The following COBL variants were observed in gnomAD, a reference collection of about 807,000 sequenced individuals.
The protein encoded by COBL is cordon-bleu WH2 repeat protein, also known as protein cordon-bleu.
COBL carries 51 observed loss-of-function variants against 98.8 expected under a neutral mutation model. That is an observed-to-expected ratio of 0.52 (90% confidence interval 0.41 to 0.65). COBL has a LOEUF of 0.65. COBL is among the 30% of genes least tolerant of loss of function. COBL has a pLI of 0.00. For synonymous variants in COBL, 634 were observed against 651.7 expected, an observed-to-expected ratio of 0.97 and a Z score of 0.41; for missense variants, 1,617 against 1,617.5, an observed-to-expected ratio of 1.00 and a Z score of 0.01.
intron 1 of COBL, among the ~76,000 whole-genome samples, chr7:51,227,314 C>T (rs2129099158): frequency 6.6e-6 from 1 of 152,224 alleles, no homozygotes; most frequent in Admixed American, 6.5e-5. Context: ...GGACTGTGTT[C>T]AACTGCCTCA....
At chr7:51,105,277 T>C (rs1796157255) in intron 6 of COBL, among the ~76,000 whole-genome samples, 1 of 152,186 alleles carries the variant, frequency 6.6e-6, no homozygotes, top group Non-Finnish European at 1.5e-5. Context: ...TGCGTGTTTC[T>C]CACAGTCAGT....
intron 1 of COBL, among the ~76,000 whole-genome samples, chr7:51,314,593 A>G (rs185678808): frequency 1.7e-4 from 26 of 152,368 alleles, no homozygotes; most frequent in African/African-American, 5.8e-4. Flanking sequence ...TGCTTATTAA[A>G]CACGTAATTC....
At chr7:51,186,822 G>A (rs1054479827) in intron 4 of COBL, among the ~76,000 whole-genome samples, 1 of 152,164 alleles carries the variant, frequency 6.6e-6, no homozygotes, top group Non-Finnish European at 1.5e-5. Context: ...GAACTGGTTT[G>A]GGAGCAAAGT....
chr7:51,225,160 G>A (rs901572626), intron 1 of COBL, among the ~76,000 whole-genome samples: 1 of 152,186 alleles, frequency 6.6e-6, no homozygotes, highest in Non-Finnish European at 1.5e-5. Context: ...AACAGAAAAC[G>A]CCTGGCTTCC....
At chr7:51,035,747 T>C (rs1329731751) in intron 8 of COBL, 1 of 152,220 alleles carries the variant, frequency 6.6e-6, no homozygotes, top group Non-Finnish European at 1.5e-5. Flanking sequence ...ATTTGATGTA[T>C]ATTTTACACT....
chr7:51,286,998 T>C (rs992443259), intron 1 of COBL, among the ~76,000 whole-genome samples: 1 of 152,194 alleles, frequency 6.6e-6, no homozygotes, highest in Non-Finnish European at 1.5e-5. Context: ...CTAAGTGAAT[T>C]AATGCAGGAA....
chr7:51,211,686 T>C (rs1792449551), intron 2 of COBL, among the ~76,000 whole-genome samples: 2 of 152,320 alleles, frequency 1.3e-5, no homozygotes, highest in South Asian at 2.1e-4. Flanking sequence ...CAATGCAGAA[T>C]AGAGTTTCTC....
At chr7:51,157,710 T>C (rs1247985777) in intron 5 of COBL, among the ~76,000 whole-genome samples, 2 of 152,188 alleles carry the variant, frequency 1.3e-5, no homozygotes, top group African/African-American at 4.8e-5. Flanking sequence ...AATAATCACT[T>C]CAGGAAGTCT....
chr7:51,175,778 G>A (rs942861705), intron 5 of COBL, among the ~76,000 whole-genome samples: 5 of 152,178 alleles, frequency 3.3e-5, no homozygotes, highest in African/African-American at 9.7e-5. Context: ...TGGCAGAGAG[G>A]CAATTTAGAA....
At chr7:51,273,327 C>CAAA (rs953811880) in intron 1 of COBL, among the ~76,000 whole-genome samples, 27 of 59,494 alleles carry the variant, frequency 4.5e-4, no homozygotes, top group Admixed American at 1.2e-3. Flanking sequence ...GACTCCATCT[C>CAAA]AAAAAAAAAA....
chr7:51,147,715 C>T (rs966047459), intron 5 of COBL, among the ~76,000 whole-genome samples: 35 of 151,542 alleles, frequency 2.3e-4, no homozygotes, highest in African/African-American at 4.8e-4. Context: ...GGCGAAATTG[C>T]GGGACCTAAG....
chr7:51,146,305 TC>T (rs1368163021), intron 5 of COBL, among the ~76,000 whole-genome samples: 1 of 152,188 alleles, frequency 6.6e-6, no homozygotes, highest in Non-Finnish European at 1.5e-5. Flanking sequence ...AATCAGCCCC[TC>T]CTTGGGGCTC....
At chr7:51,301,810 C>G (rs1373661108) in intron 1 of COBL, among the ~76,000 whole-genome samples, 1 of 152,238 alleles carries the variant, frequency 6.6e-6, no homozygotes, top group African/African-American at 2.4e-5. Context: ...TCTGTGGGTC[C>G]CACTGTGCTG....
At chr7:51,188,650 G>C (rs1249409621) in intron 4 of COBL, among the ~76,000 whole-genome samples, 1 of 152,182 alleles carries the variant, frequency 6.6e-6, no homozygotes, top group Non-Finnish European at 1.5e-5. Context: ...TGGAGGTTTG[G>C]GAGCAGCTAG....
At chr7:51,235,757 C>T (rs1795197990) in intron 1 of COBL, among the ~76,000 whole-genome samples, 1 of 152,086 alleles carries the variant, frequency 6.6e-6, no homozygotes, top group African/African-American at 2.4e-5. Context: ...AACACAAAAG[C>T]ACAACAAACA....
intron 7 of COBL, among the ~76,000 whole-genome samples, chr7:51,048,082 C>T (rs1311228334): frequency 6.6e-6 from 1 of 152,108 alleles, no homozygotes; most frequent in Non-Finnish European, 1.5e-5. Context: ...CAGAGAATTG[C>T]TTGAACCTGA....
chr7:51,140,973 AC>A (rs1799686058), intron 5 of COBL, among the ~76,000 whole-genome samples: 1 of 152,172 alleles, frequency 6.6e-6, no homozygotes, highest in East Asian at 1.9e-4. Context: ...GAGCTGCCTC[AC>A]GAGCACACCC....
At chr7:51,264,005 T>C (rs1280839282) in intron 1 of COBL, among the ~76,000 whole-genome samples, 1 of 152,176 alleles carries the variant, frequency 6.6e-6, no homozygotes, top group Non-Finnish European at 1.5e-5. Context: ...GTTATTCCAC[T>C]TTTATAGAAG....
In COBL at chr7:51,214,055, C is replaced by G. The variant is rs188239271; in HGVS notation, c.245+5686G>C. On this transcript the variant is annotated intron_variant, in intron 2 of 12. Coordinates refer to ENST00000265136, the MANE Select transcript of COBL (RefSeq NM_015198.5). Reference sequence around the variant, plus strand: ...CCGAGGCAGGCAGATCACTTGAGGTCAGGAGTTCCAGACCAGCCTGGCCAA... The same window carrying G: ...CCGAGGCAGGCAGATCACTTGAGGTGAGGAGTTCCAGACCAGCCTGGCCAA... Among the ~76,000 whole-genome samples the G allele has an allele frequency of 3.5e-3, 532 of 152,214 alleles. 4 individuals carry two copies. The highest frequency in any genetic ancestry group is 0.012 in the African/African-American group (510 of 41,522).
Sources: gnomAD v4.1 joint callset for allele counts (sites outside exome capture counted in the v4.1 genomes callset) on GRCh38, gnomAD v4.1.1 for gene constraint, MANE v1.5 for transcripts, NCBI Gene and HGNC (gene_info 2026-07-23, HGNC 2026-07-21) for gene names.